The following MICB variants were observed in gnomAD, a reference collection of about 807,000 sequenced individuals.
MICB encodes the protein MHC class I antigen-related protein B.
MICB carries 27 observed loss-of-function variants against 34.3 expected under a neutral mutation model. The ratio of observed to expected loss-of-function variants is 0.79; its 90% CI spans 0.58 to 1.08. MICB has a LOEUF of 1.08. MICB is among the 50% of genes least tolerant of loss of function. MICB has a pLI of 0.00. For synonymous variants in MICB, 153 were observed against 187.4 expected, an observed-to-expected ratio of 0.82 and a Z score of 1.50; for missense variants, 426 against 483.1, an observed-to-expected ratio of 0.88 and a Z score of 1.11.
At chr6:31,497,546 A>T (rs1409637482), upstream of MICB, among the ~76,000 whole-genome samples, 1 of 151,958 alleles carries the variant, frequency 6.6e-6, no homozygotes, top group Non-Finnish European at 1.5e-5. Flanking sequence ...AAGGGAGGAG[A>T]AGGAGATTAT....
chr6:31,509,820 G>A lies in MICB; in HGVS notation c.1063G>A (p.Gly355Arg), dbSNP rs1489152632. Reference protein sequence around the residue: ...SLQVLDQHPVGTGDHRDAAQL... With the variant: ...SLQVLDQHPVRTGDHRDAAQL... ...GCAGGTCCTGGATCAACACCCAGTT[G>A]GGACAGGAGACCACAGGGATGCAGC... The change falls in exon 6 of 6, where the codon GGG becomes AGG. Residue 355 changes from glycine to arginine, a missense_variant. Transcript: ENST00000252229. The A allele has an allele frequency of 2.9e-5, 47 of 1,613,354 alleles. No homozygotes were observed. The Admixed American group carries it at 7.8e-4, about 27-fold the overall frequency.
intron 1 of MICB, among the ~76,000 whole-genome samples, chr6:31,499,763 G>A (rs9267384): frequency 0.33 from 49,675 of 150,262 alleles, 7,893 homozygotes; most frequent in East Asian, 0.45. Flanking sequence ...CAGCCCACAG[G>A]TGCTGGACCA....
chr6:31,506,495 C>A, intron 3 of MICB, 65 bp downstream of exon 3: 1 of 1,548,044 alleles, frequency 6.5e-7, no homozygotes, highest in East Asian at 2.3e-5. Context: ...CGCCTCCCAG[C>A]TCTGTCCGGG....
chr6:31,507,205 C>A lies in MICB; in HGVS notation c.797C>A (p.Thr266Asn). 1 of 1,614,118 alleles carries A rather than the reference C, an allele frequency of 6.2e-7. No homozygotes were observed. The highest frequency in any genetic ancestry group is 1.3e-5 in the African/African-American group (1 of 75,022). Residue 266 changes from threonine to asparagine, a missense_variant, in exon 4 of 6, where the codon ACC (threonine) becomes AAC (asparagine). Thr to Asn is a moderately conservative substitution (Grantham distance 65). Coordinates refer to ENST00000252229, the MANE Select transcript of MICB (RefSeq NM_005931.5). The surrounding 1 kb of genome is among the most constrained non-coding windows in gnomAD (Gnocchi z 6.0). The part of the protein sequence containing the change: ...VLPDGNGTYQ[T>N]WVATRIRQGE... Reference sequence around the variant, plus strand: ...CCTGATGGGAATGGAACCTACCAGACCTGGGTGGCCACCAGGATTCGCCAA... The same window carrying A: ...CCTGATGGGAATGGAACCTACCAGAACTGGGTGGCCACCAGGATTCGCCAA...
At position 31,498,209 on chromosome 6, in the gene MICB, G is replaced by A. The variant is rs1385638928; in HGVS notation, c.16G>A (p.Val6Ile). 33 of 1,585,522 alleles carry A rather than the reference G, an allele frequency of 2.1e-5. No homozygotes were observed. Among genetic ancestry groups the A allele is most frequent in the Non-Finnish European group, 2.4e-5 (28 of 1,164,268 alleles). The change falls in exon 1 of 6, where the codon GTC (valine) becomes ATC (isoleucine). Residue 6 changes from valine to isoleucine, a missense_variant. Val to Ile is a conservative substitution (Grantham distance 29). Transcript: ENST00000252229. Reference protein sequence around the residue: MGLGRVLLFLAVAFPF... With the variant: MGLGRILLFLAVAFPF... Reference sequence around the variant, plus strand: ...CGTAGGGGCCATGGGGCTGGGCCGGGTCCTGCTGTTTCTGGCCGTCGCCTT... The same window carrying A: ...CGTAGGGGCCATGGGGCTGGGCCGGATCCTGCTGTTTCTGGCCGTCGCCTT...
rs145062405 is a variant in MICB, at chr6:31,508,522, G to A, written c.1024+991G>A. ...TCAGTCGGCCCCTCATGCCTGAGCA[G>A]ATGGGAAGGTTCGTCCCCTGCCCTG... On this transcript the variant is annotated intron_variant, in intron 5 of 5. Transcript: ENST00000252229. Among the ~76,000 whole-genome samples, 927 of 152,306 alleles carry A rather than the reference G, an allele frequency of 6.1e-3. 5 individuals carry two copies. The highest frequency in any genetic ancestry group is 9.0e-3 in the Non-Finnish European group (609 of 68,032).
chr6:31,504,746 C>T (rs1293893595), intron 1 of MICB, among the ~76,000 whole-genome samples: 1 of 152,082 alleles, frequency 6.6e-6, no homozygotes, highest in East Asian at 1.9e-4. Context: ...CACTGTCAAA[C>T]CCTATGTCAT....
intron 3 of MICB, 97 bp downstream of exon 3, chr6:31,506,527 A>G: frequency 7.5e-7 from 1 of 1,339,970 alleles, no homozygotes. Context: ...TGTGCTATGG[A>G]TGCAGGCGTT....
intron 1 of MICB, chr6:31,498,756 CG>C (rs1187159451): frequency 1.3e-5 from 2 of 157,298 alleles, no homozygotes; most frequent in Non-Finnish European, 2.9e-5. Context: ...CGTGAGCCAC[CG>C]CGCCCGACCT....
upstream of MICB, chr6:31,498,035 C>A: frequency 2.4e-6 from 1 of 422,038 alleles, no homozygotes; most frequent in Non-Finnish European, 4.1e-6. Context: ...TGGCCCCGCC[C>A]TCTCCACTCA....
Position 31,498,170 on chromosome 6 carries a change from T to C in MICB, c.-24T>C, listed in dbSNP as rs1433285066. 5 of 1,570,608 alleles carry C rather than the reference T, an allele frequency of 3.2e-6. No homozygotes were observed. The highest frequency in any genetic ancestry group is 4.3e-6 in the Non-Finnish European group (5 of 1,155,588). ...ATTCAGTTGGCCACTGCTGAGCAGC[T>C]GAGAAGGTGGCGACGTAGGGGCCAT... On this transcript the variant is annotated 5_prime_UTR_variant, in exon 1 of 6. Transcript: ENST00000252229.
upstream of MICB, chr6:31,498,123 A>C: frequency 7.5e-7 from 1 of 1,332,168 alleles, no homozygotes; most frequent in Non-Finnish European, 1.0e-6. Context: ...CTAAATTTCG[A>C]CGGGGTCTTC....
intron 1 of MICB, among the ~76,000 whole-genome samples, chr6:31,499,163 G>A (rs1764879762): frequency 6.6e-6 from 1 of 151,966 alleles, no homozygotes; most frequent in Non-Finnish European, 1.5e-5. Context: ...GCAGGCTCCG[G>A]GCAGAGGATT....
Position 31,506,267 on chromosome 6 carries a change from G to A in MICB, c.450G>A (p.Ser150=), listed in dbSNP as rs746888265. The A allele has an allele frequency of 6.4e-5, 104 of 1,614,054 alleles. No homozygotes were observed. Among genetic ancestry groups the A allele is most frequent in the Non-Finnish European group, 8.2e-5 (97 of 1,180,044 alleles). ...FLSQNLETQE[S]TVPQSSRAQT... Reference sequence around the variant, plus strand: ...CCCAAAACCTGGAGACTCAAGAATCGACAGTGCCCCAGTCCTCCAGAGCTC... The same window carrying A: ...CCCAAAACCTGGAGACTCAAGAATCAACAGTGCCCCAGTCCTCCAGAGCTC... Residue 150 remains serine, a synonymous_variant, in exon 3 of 6, where the codon TCG becomes TCA. Transcript: ENST00000252229.
At chr6:31,495,853 T>C (rs1023862837), upstream of MICB, among the ~76,000 whole-genome samples, 3 of 152,016 alleles carry the variant, frequency 2.0e-5, no homozygotes, top group Non-Finnish European at 4.4e-5. Flanking sequence ...CACCACTGCA[T>C]TCCAACTGAG....
intron 1 of MICB, among the ~76,000 whole-genome samples, chr6:31,502,388 T>C (rs1248956594): frequency 6.6e-6 from 1 of 152,206 alleles, no homozygotes; most frequent in Admixed American, 6.5e-5. Flanking sequence ...TGGAATGCCT[T>C]TTCCATTTTT....
At chr6:31,501,555 C>G (rs1331191169) in intron 1 of MICB, among the ~76,000 whole-genome samples, 1 of 152,120 alleles carries the variant, frequency 6.6e-6, no homozygotes, top group Non-Finnish European at 1.5e-5. Flanking sequence ...TCATAGTTTT[C>G]ATAGTTTGAG....
intron 5 of MICB, 94 bp from the exon 6 acceptor site, chr6:31,509,688 T>A: frequency 2.1e-6 from 3 of 1,424,272 alleles, no homozygotes; most frequent in Non-Finnish European, 1.9e-6. Flanking sequence ...AAAGGGCGAA[T>A]CTGATTTTGG....
intron 3 of MICB, 33 bp downstream of exon 3, chr6:31,506,463 C>T (rs535595052): frequency 2.8e-5 from 44 of 1,599,132 alleles, no homozygotes; most frequent in Middle Eastern, 1.7e-4. Context: ...CTACTGTTCC[C>T]GCAATTCTGC....
Sources: gnomAD v4.1 joint callset for allele counts (sites outside exome capture counted in the v4.1 genomes callset) on GRCh38, gnomAD v4.1.1 for gene constraint, Gnocchi (gnomAD v3.1) non-coding constraint, MANE v1.5 for transcripts, NCBI Gene and HGNC (gene_info 2026-07-23, HGNC 2026-07-21) for gene names.